DMD: variants seen among roughly 807,000 people sequenced by gnomAD.
The protein encoded by DMD is dystrophin.
A neutral mutation model predicts 330.1 loss-of-function variants in DMD; 63 were observed. The ratio of observed to expected loss-of-function variants is 0.19; its 90% CI spans 0.16 to 0.24. The LOEUF (loss-of-function observed/expected upper bound fraction) is 0.24. Among genes scored for constraint, DMD ranks in the 10% least tolerant of loss-of-function variants. The pLI, the probability that DMD is intolerant of heterozygous loss-of-function variation, is 1.00. For missense variants in DMD, 3,344 were observed against 2,684.1 expected, an observed-to-expected ratio of 1.25 and a Z score of -5.43; for synonymous variants, 1,223 against 959.8, an observed-to-expected ratio of 1.27 and a Z score of -5.07.
intron 11 of DMD, among the ~76,000 whole-genome samples, chrX:32,626,182 T>C (rs2058332038): frequency 8.9e-6 from 1 of 112,208 alleles, no homozygotes; most frequent in Admixed American, 9.5e-5. Flanking sequence ...TTCAAAATGA[T>C]GGCTCAGGCT....
At chrX:31,873,565 G>GA (rs1203572049) in intron 48 of DMD, among the ~76,000 whole-genome samples, 3 of 111,593 alleles carry the variant, frequency 2.7e-5, no homozygotes, top group Non-Finnish European at 5.6e-5. Context: ...TTAAATAAAA[G>GA]AAAAAACTAC....
At chrX:32,411,711 T>C (rs775588657) in intron 30 of DMD, 41 bp downstream of exon 30, 22 of 1,199,384 alleles carry the variant, frequency 1.8e-5, no homozygotes, top group Admixed American at 1.3e-4. Context: ...GTTGAAGTAA[T>C]AAAAACAAAA....
At chrX:31,576,876 C>T (rs1230454925) in intron 55 of DMD, among the ~76,000 whole-genome samples, 2 of 109,995 alleles carry the variant, frequency 1.8e-5, no homozygotes, top group Admixed American at 9.7e-5. Flanking sequence ...CCACCACGCC[C>T]GGCTAATTTT....
chrX:32,666,857 A>C (rs1353397945), intron 9 of DMD, among the ~76,000 whole-genome samples: 1 of 108,840 alleles, frequency 9.2e-6, no homozygotes. Context: ...GCAAAGACAA[A>C]GCAAGGTTTT....
At chrX:32,033,653 G>GAAAGAAAGAAAGAAAGAAAGAAGA (rs201179363) in intron 44 of DMD, among the ~76,000 whole-genome samples, 4 of 59,095 alleles carry the variant, frequency 6.8e-5, no homozygotes, top group African/African-American at 2.8e-4. Flanking sequence ...AAGAAAGAAA[G>GAAAGAAAGAAAGAAAGAAAGAAGA]AAGAAAGAAA....
rs780374828 is a variant in DMD, at chrX:31,573,895, G to A, written c.8217+53778C>T. On this transcript the variant is annotated intron_variant, in intron 55 of 78. Transcript: ENST00000357033. ...AATGAATCTACTAACAACATACCAA[G>A]CCTTCACAATATGCAGGGCACCGTA... 8.5e-4 allele frequency among the ~76,000 whole-genome samples: 94 copies of A among 110,679 alleles called. 1 individual carries two copies. The highest frequency in any genetic ancestry group is 1.4e-3 in the Non-Finnish European group (75 of 52,896).
intron 11 of DMD, among the ~76,000 whole-genome samples, chrX:32,637,519 G>A (rs1569359143): frequency 9.0e-6 from 1 of 111,714 alleles, no homozygotes; most frequent in Non-Finnish European, 1.9e-5. Context: ...CTTTATAGCA[G>A]CACCCCACTC....
At chrX:32,265,597 C>T (rs2097341192) in intron 43 of DMD, among the ~76,000 whole-genome samples, 1 of 112,174 alleles carries the variant, frequency 8.9e-6, no homozygotes, top group African/African-American at 3.2e-5. Context: ...GTGAAAGCAG[C>T]CAGGAAGGGG....
chrX:32,524,314 AAT>A (rs1377374139), intron 17 of DMD, among the ~76,000 whole-genome samples: 1 of 111,856 alleles, frequency 8.9e-6, no homozygotes, highest in African/African-American at 3.3e-5. Flanking sequence ...AAAACGGTCA[AAT>A]GTCTCCTTTT....
intron 42 of DMD, among the ~76,000 whole-genome samples, chrX:32,299,951 T>C (rs531744891): frequency 8.9e-6 from 1 of 111,868 alleles, no homozygotes; most frequent in East Asian, 2.8e-4. Flanking sequence ...TCAGTTACAC[T>C]CATGTCTTAT....
In DMD at chrX:33,222,960, T is replaced by C. The variant is rs141431939; in HGVS notation, c.7+116299A>G. Among the ~76,000 whole-genome samples the C allele has an allele frequency of 1.7e-3, 195 of 112,019 alleles. 1 individual carries two copies. In the Admixed American group the frequency reaches 0.018, roughly 10 times the overall value. On this transcript the variant is annotated intron_variant, in intron 1 of 17. Transcript: ENST00000288447. ...AATCTCAGTAGTTACTTTGCAGATA[T>C]TAACAAAGAGATTCTAAAAATGATA...
chrX:32,577,589 C>A (rs1310784139), intron 13 of DMD, among the ~76,000 whole-genome samples: 1 of 112,258 alleles, frequency 8.9e-6, no homozygotes, highest in East Asian at 2.8e-4. Context: ...TACATCAAAT[C>A]TAAGAACTGC....
chrX:31,491,079 A>G (rs1057308256), intron 57 of DMD, among the ~76,000 whole-genome samples: 1 of 112,459 alleles, frequency 8.9e-6, no homozygotes, highest in Non-Finnish European at 1.9e-5. Flanking sequence ...GGAAGCTTTG[A>G]AGGTATCCTT....
At chrX:32,479,887 A>G (rs2148539156) in intron 21 of DMD, among the ~76,000 whole-genome samples, 1 of 110,953 alleles carries the variant, frequency 9.0e-6, no homozygotes, top group Non-Finnish European at 1.9e-5. Flanking sequence ...GGCATGGGCA[A>G]CAAAAGCAAA....
intron 55 of DMD, among the ~76,000 whole-genome samples, chrX:31,548,329 T>A (rs2074270226): frequency 9.0e-6 from 1 of 111,411 alleles, no homozygotes. Context: ...TTTCATAAGC[T>A]TGCCAGGTCA....
intron 29 of DMD, among the ~76,000 whole-genome samples, chrX:32,423,613 G>A (rs924395817): frequency 4.5e-5 from 5 of 109,921 alleles, no homozygotes; most frequent in South Asian, 3.8e-4. Flanking sequence ...ATAATATTTC[G>A]GAAAAGTAAA....
chrX:32,352,942 G>A (rs1003073714), intron 37 of DMD, among the ~76,000 whole-genome samples: 2 of 110,420 alleles, frequency 1.8e-5, no homozygotes, highest in Admixed American at 9.7e-5. Context: ...CCTTAAAGTT[G>A]GCAATATGTC....
intron 44 of DMD, among the ~76,000 whole-genome samples, chrX:32,186,923 A>G (rs187718707): frequency 2.0e-4 from 22 of 111,109 alleles, no homozygotes; most frequent in African/African-American, 7.2e-4. Context: ...ACATATCAGC[A>G]GATGTGGTTC....
intron 53 of DMD, among the ~76,000 whole-genome samples, chrX:31,678,118 A>C (rs73214036): frequency 8.9e-6 from 1 of 112,488 alleles, no homozygotes; most frequent in Non-Finnish European, 1.9e-5. Flanking sequence ...GATATAACCA[A>C]GAAAGCAGTC....
Sources: allele counts gnomAD v4.1 joint callset (sites outside exome capture counted in the v4.1 genomes callset), GRCh38; gene constraint gnomAD v4.1.1; transcripts MANE v1.5; gene names NCBI Gene and HGNC (gene_info 2026-07-23, HGNC 2026-07-21).